SV2C: variants seen among roughly 807,000 people sequenced by gnomAD.
SV2C encodes solute carrier family 22 member B3.
A neutral mutation model predicts 79.7 loss-of-function variants in SV2C; 49 were observed. The ratio of observed to expected loss-of-function variants is 0.61; its 90% CI spans 0.49 to 0.78. The LOEUF is 0.78. Among genes scored for constraint, SV2C ranks in the 30% least tolerant of loss-of-function variants. The pLI, the probability that SV2C is intolerant of heterozygous loss-of-function variation, is 0.00. For synonymous variants in SV2C, 334 were observed against 333.2 expected (o/e 1.00, Z -0.03); for missense variants, 833 against 912.9 (o/e 0.91, Z 1.13).
At chr5:75,882,386 T>C in the SV2C span, among the ~76,000 whole-genome samples, 2 of 147,356 alleles carry the variant, frequency 1.4e-5, no homozygotes, top group Admixed American at 6.8e-5. Context: ...CTTCACAGAA[T>C]TGGAAAAAAC....
chr5:76,336,382 T>G (rs1415898071), downstream of SV2C, among the ~76,000 whole-genome samples: 4 of 146,792 alleles, frequency 2.7e-5, no homozygotes, highest in Admixed American at 6.8e-5. Context: ...GATGGCGGCC[T>G]GGCAGAGACG....
At chr5:76,217,502 A>G (rs1744938217) in intron 4 of SV2C, among the ~76,000 whole-genome samples, 1 of 152,220 alleles carries the variant, frequency 6.6e-6, no homozygotes, top group Non-Finnish European at 1.5e-5. Context: ...AGCTCTGTCA[A>G]AGCTTTTCAG....
the SV2C span, among the ~76,000 whole-genome samples, chr5:75,887,196 T>G: frequency 2.9e-4 from 44 of 152,118 alleles, no homozygotes; most frequent in African/African-American, 1.0e-3. Context: ...CCTCAGAGAT[T>G]TATCATTTTT....
At chr5:76,353,159 G>T in exon 13 of SV2C, 2 of 447,724 alleles carry the variant, frequency 4.5e-6, no homozygotes, top group Middle Eastern at 4.3e-4. Context: ...TGCCCCGGCT[G>T]ATCTTGAACT....
chr5:76,235,847 A>G (rs1052344464), intron 4 of SV2C, among the ~76,000 whole-genome samples: 4 of 152,012 alleles, frequency 2.6e-5, no homozygotes, highest in Non-Finnish European at 5.9e-5. Context: ...GCTGAGCATG[A>G]CTCTTTTTGC....
chr5:75,901,985 G>C, the SV2C span, among the ~76,000 whole-genome samples: 64 of 150,300 alleles, frequency 4.3e-4, no homozygotes, highest in Middle Eastern at 6.8e-3. Context: ...TCCAGGTGCC[G>C]TCTGTCACCC....
the SV2C span, among the ~76,000 whole-genome samples, chr5:75,883,763 A>C: frequency 6.6e-6 from 1 of 151,184 alleles, no homozygotes; most frequent in African/African-American, 2.4e-5. Context: ...GGTGCAGCCC[A>C]CCAGCCTGGC....
At chr5:76,056,935 T>TA in the SV2C span, among the ~76,000 whole-genome samples, 2 of 151,932 alleles carry the variant, frequency 1.3e-5, no homozygotes, top group East Asian at 1.9e-4. Context: ...TTTTGTTAAT[T>TA]AAAAAAACAG....
intron 10 of SV2C, among the ~76,000 whole-genome samples, chr5:76,299,128 A>G (rs565561911): frequency 2.8e-4 from 42 of 152,358 alleles, no homozygotes; most frequent in African/African-American, 1.0e-3. Flanking sequence ...GGAGCTTGCC[A>G]AAGTTCAAAA....
At chr5:75,900,633 C>T in the SV2C span, among the ~76,000 whole-genome samples, 1 of 152,100 alleles carries the variant, frequency 6.6e-6, no homozygotes, top group Non-Finnish European at 1.5e-5. Flanking sequence ...TGGGGAAGTT[C>T]TCCTGGATAA....
intron 12 of SV2C, chr5:76,311,439 A>G (rs2112544143): frequency 6.6e-6 from 1 of 152,406 alleles, no homozygotes; most frequent in Admixed American, 6.5e-5. Flanking sequence ...TGTTGCATTC[A>G]GGAATTTGTC....
intron 2 of SV2C, among the ~76,000 whole-genome samples, chr5:76,140,687 T>C (rs990309721): frequency 6.6e-6 from 1 of 151,400 alleles, no homozygotes; most frequent in Non-Finnish European, 1.5e-5. Context: ...GTTTTTCCTC[T>C]TTTAGCTTTA....
the SV2C span, among the ~76,000 whole-genome samples, chr5:76,015,685 G>A: frequency 6.6e-6 from 1 of 152,052 alleles, no homozygotes; most frequent in African/African-American, 2.4e-5. Context: ...TATAAGAGAG[G>A]TAAGCTATTT....
chr5:76,135,493 G>C (rs1225695973), intron 2 of SV2C, among the ~76,000 whole-genome samples: 1 of 152,164 alleles, frequency 6.6e-6, no homozygotes, highest in South Asian at 2.1e-4. Context: ...CAGGAGAAAG[G>C]GGAGGTCTGG....
rs572774174 is a variant in SV2C, at chr5:76,341,951, A to T, written c.2001-11179A>T. 1.1e-4 allele frequency among the ~76,000 whole-genome samples: 16 copies of T among 152,286 alleles called. 1 individual carries two copies. Among genetic ancestry groups the T allele is most frequent in the Admixed American group, 5.9e-4 (9 of 15,296 alleles). ...ATTCCTAGCTTCTATTATCATAGGC[A>T]TGCATAGCAGGTACCTAGGCCTGTG... On this transcript the variant is annotated intron_variant, in intron 12 of 12. Transcript: ENST00000322285.
At chr5:75,911,667 T>C in the SV2C span, 75 of 697,166 alleles carry the variant, frequency 1.1e-4, no homozygotes, top group African/African-American at 1.3e-3. Flanking sequence ...TTTGCACTTT[T>C]CCCACCTTAA....
rs113071558 is a variant in SV2C at position 76,131,645 on chromosome 5, C to T, written c.-101-5C>T. 63 of 786,934 alleles carry T rather than the reference C, an allele frequency of 8.0e-5. No homozygotes were observed. Among genetic ancestry groups the T allele is most frequent in the Non-Finnish European group, 1.1e-4 (57 of 511,440 alleles). 48.7% of individuals were successfully genotyped at this position (786,934 alleles called of 1,614,324 possible). ...TAAGTATCTCCTCTATTTCTTCTTT[C>T]GCAGTTCTGTTTTGAACCCAAAGTG... On this transcript the variant is annotated splice_polypyrimidine_tract_variant and splice_region_variant and intron_variant, in intron 1 of 12. Coordinates refer to ENST00000502798, the MANE Select transcript of SV2C (RefSeq NM_014979.4).
chr5:76,319,187 G>GATTA (rs1748735423), intron 12 of SV2C, among the ~76,000 whole-genome samples: 1 of 151,946 alleles, frequency 6.6e-6, no homozygotes, highest in African/African-American at 2.4e-5. Context: ...GAAGCAGGCA[G>GATTA]ATTAATTGGG....
intron 1 of SV2C, among the ~76,000 whole-genome samples, chr5:76,106,497 A>G (rs576655205): frequency 6.6e-6 from 1 of 152,206 alleles, no homozygotes; most frequent in Non-Finnish European, 1.5e-5. Flanking sequence ...AAGTCCTTAC[A>G]GATGTACACA....
Sources: gnomAD v4.1 joint callset for allele counts (sites outside exome capture counted in the v4.1 genomes callset) on GRCh38, gnomAD v4.1.1 for gene constraint, MANE v1.5 for transcripts, NCBI Gene and HGNC (gene_info 2026-07-23, HGNC 2026-07-21) for gene names.